TRPM2: variants seen among roughly 807,000 people sequenced by gnomAD.
The protein encoded by TRPM2 is transient receptor potential cation channel subfamily M member 2.
In TRPM2, 161 loss-of-function variants were observed where a neutral mutation model predicts 174.0. The observed-to-expected ratio is 0.93, with a 90% CI of 0.81 to 1.05. The LOEUF (loss-of-function observed/expected upper bound fraction) is 1.05, where lower values mean the gene tolerates loss of function less well. Among genes scored for constraint, TRPM2 ranks in the 50% least tolerant of loss-of-function variants. The pLI is 0.00. For synonymous variants in TRPM2, 954 were observed against 861.3 expected, an observed-to-expected ratio of 1.11 and a Z score of -1.88; for missense variants, 2,057 against 2,038.0, an observed-to-expected ratio of 1.01 and a Z score of -0.18.
rs555500267 is a variant in TRPM2 at position 44,403,303 on chromosome 21, G to A, written c.2538+1406G>A. Among the ~76,000 whole-genome samples, 6 of 152,332 alleles carry A rather than the reference G, an allele frequency of 3.9e-5. No homozygotes were observed. The East Asian group carries it at 1.2e-3, about 29-fold the overall frequency. On this transcript the variant is annotated intron_variant, in intron 16 of 31. Transcript: ENST00000397928. ...GTCCTGGGGCCTGGGGCTAGGGAGG[G>A]TGTGGGGACTCCTGCCAAGTAGGCC... is the stretch of plus-strand genomic sequence containing the variant.
rs9978351 is a variant in TRPM2, at chr21:44,424,868, A to G, written c.3566A>G (p.Gln1189Arg). Reference protein sequence around the residue: ...SLEEQVAQTAQALHWIVRTLR... With the variant: ...SLEEQVAQTARALHWIVRTLR... ...GCCTTCCAGGTGGCCCAGACAGCCC[A>G]AGCCCTGCACTGGATCGTGAGGACG... Residue 1189 changes from glutamine (Q) to arginine (R), a missense_variant, in exon 24 of 32, where the codon CAA (glutamine) becomes CGA (arginine). Gln to Arg is a conservative substitution (Grantham distance 43). Coordinates refer to ENST00000397928, the MANE Select transcript of TRPM2 (RefSeq NM_003307.4). 1,588,407 of 1,604,358 alleles carry G rather than the reference A, an allele frequency of 0.99. 786,812 individuals are homozygous for G. The highest frequency in any genetic ancestry group is 1 in the Non-Finnish European group (1,176,175 of 1,176,604).
intron 27 of TRPM2, 49 bp downstream of exon 27, chr21:44,427,160 C>A: frequency 6.8e-7 from 1 of 1,470,792 alleles, no homozygotes; most frequent in Non-Finnish European, 9.2e-7. Context: ...TGGGGTTTGC[C>A]TGGGGGGCAG....
At chr21:44,405,784 C>A in intron 17 of TRPM2, 121 bp from the exon 18 acceptor site, 1 of 1,234,582 alleles carries the variant, frequency 8.1e-7, no homozygotes, top group Non-Finnish European at 1.1e-6. Flanking sequence ...GCAGGGCCCA[C>A]CAGAGCCCTT....
rs939175308 is a variant in TRPM2 at position 44,438,012 on chromosome 21, G to T, written c.4167+845G>T. 1.3e-5 allele frequency among the ~76,000 whole-genome samples: 2 copies of T among 152,244 alleles called. No individual in the cohort carries two copies. Among genetic ancestry groups the T allele is most frequent in the African/African-American group, 4.8e-5 (2 of 41,462 alleles). ...TGCATTTCTCTGACCCCGAGCTCAC[G>T]GCCTGGTGGCTGCCTCTGCTGCTGT... On this transcript the variant is annotated intron_variant, in intron 29 of 31. Coordinates refer to ENST00000397928, the MANE Select transcript of TRPM2 (RefSeq NM_003307.4). This position sits in a 1 kb window ranked among gnomAD's most constrained non-coding sequence, Gnocchi z 5.9.
intron 16 of TRPM2, among the ~76,000 whole-genome samples, chr21:44,403,998 A>C (rs571773313): frequency 6.6e-6 from 1 of 151,524 alleles, no homozygotes; most frequent in East Asian, 1.9e-4. Context: ...ACACACATAC[A>C]CATACACACA....
At chr21:44,370,781 T>C (rs2048515925) in intron 5 of TRPM2, among the ~76,000 whole-genome samples, 1 of 152,224 alleles carries the variant, frequency 6.6e-6, no homozygotes, top group African/African-American at 2.4e-5. Flanking sequence ...TTGTTTGCTC[T>C]TTTTACGAAT....
In TRPM2 at chr21:44,364,733, G is replaced by T. The variant is rs1054411217; in HGVS notation, c.423+451G>T. On this transcript the variant is annotated intron_variant, in intron 3 of 31. Transcript: ENST00000397928. ...GATAGCAGGGAGGCCCATGTGGCAA[G>T]TCTGGAAGCAAACGCGAGAGTCCTT... Among the ~76,000 whole-genome samples, 2 of 152,342 alleles carry T rather than the reference G, an allele frequency of 1.3e-5. 1 individual carries two copies. The highest frequency in any genetic ancestry group is 4.1e-4 in the South Asian group (2 of 4,832).
intron 11 of TRPM2, among the ~76,000 whole-genome samples, chr21:44,393,325 A>C (rs1287056649): frequency 1.3e-5 from 2 of 152,148 alleles, no homozygotes; most frequent in African/African-American, 4.8e-5. Flanking sequence ...TTCTTCTTTG[A>C]CCTATGAATT....
At chr21:44,406,474 C>T (rs2049880362) in intron 18 of TRPM2, 120 bp from the exon 19 acceptor site, 2 of 1,265,490 alleles carry the variant, frequency 1.6e-6, no homozygotes, top group Admixed American at 2.6e-5. Flanking sequence ...TGGGAGCCTC[C>T]TGCATGCCGT....
At chr21:44,416,601 C>A in intron 20 of TRPM2, 1 of 179,402 alleles carries the variant, frequency 5.6e-6, no homozygotes, top group Admixed American at 6.1e-5. Flanking sequence ...TGTTATTAGC[C>A]AGTGAGGCTT....
intron 20 of TRPM2, chr21:44,416,468 G>A: frequency 6.4e-6 from 1 of 155,132 alleles, no homozygotes; most frequent in Non-Finnish European, 1.4e-5. Context: ...GGAGGCCCCT[G>A]CAGCCCTGCC....
chr21:44,425,496 CT>C (rs1264709686), intron 24 of TRPM2, 173 bp from the exon 25 acceptor site: 2 of 710,074 alleles, frequency 2.8e-6, no homozygotes, highest in African/African-American at 3.6e-5. Context: ...GCTGTCCTCC[CT>C]GGGGGCCCTG....
At chr21:44,357,760 C>T (rs117554708) in intron 2 of TRPM2, among the ~76,000 whole-genome samples, 5 of 152,210 alleles carry the variant, frequency 3.3e-5, no homozygotes, top group African/African-American at 4.8e-5. Flanking sequence ...AGTCAGGGGA[C>T]GGAGAGACGC....
intron 9 of TRPM2, among the ~76,000 whole-genome samples, chr21:44,383,414 C>T (rs1384510809): frequency 6.6e-6 from 1 of 152,198 alleles, no homozygotes; most frequent in African/African-American, 2.4e-5. Context: ...GGCTTCTCAC[C>T]CTCCAGGGTC....
chr21:44,394,608 C>G (rs897716382), intron 11 of TRPM2, among the ~76,000 whole-genome samples: 1 of 151,624 alleles, frequency 6.6e-6, no homozygotes, highest in African/African-American at 2.4e-5. Context: ...CGTGAGCCAC[C>G]GTGCCAGGCC....
In TRPM2 at chr21:44,376,747, C is replaced by T. The variant is rs1209512675; in HGVS notation, c.952+734C>T. Among the ~76,000 whole-genome samples the T allele has an allele frequency of 6.6e-6, 1 of 152,150 alleles. No individual in the cohort carries two copies. The highest frequency in any genetic ancestry group is 1.5e-5 in the Non-Finnish European group (1 of 68,030). ...GAGATGGTGAACGGGAGGTGTCTGACCTGTGGCTGGGTGGGCTGGGGTCCC... is the reference window on the plus strand; with the variant it reads ...GAGATGGTGAACGGGAGGTGTCTGATCTGTGGCTGGGTGGGCTGGGGTCCC... On this transcript the variant is annotated intron_variant, in intron 6 of 31. Coordinates refer to ENST00000397928, the MANE Select transcript of TRPM2 (RefSeq NM_003307.4). The surrounding 1 kb of genome is among the most constrained non-coding windows in gnomAD (Gnocchi z 4.2).
intron 22 of TRPM2, among the ~76,000 whole-genome samples, chr21:44,419,303 GCCCTCCC>G (rs2146350662): frequency 6.6e-6 from 1 of 152,204 alleles, no homozygotes; most frequent in South Asian, 2.1e-4. Flanking sequence ...CAGGCCAAGT[GCCCTCCC>G]CCTTAGAGAC....
intron 11 of TRPM2, among the ~76,000 whole-genome samples, chr21:44,394,374 T>C (rs969532826): frequency 5.7e-4 from 84 of 146,126 alleles, no homozygotes; most frequent in Non-Finnish European, 1.1e-3. Flanking sequence ...GGCTGGAGTG[T>C]AGTGGCGCAA....
intron 3 of TRPM2, among the ~76,000 whole-genome samples, chr21:44,365,391 A>G (rs914147905): frequency 1.3e-5 from 2 of 152,172 alleles, no homozygotes; most frequent in African/African-American, 2.4e-5. Flanking sequence ...AAAGAGGTTG[A>G]GTGGGGCAGG....
Sources: gnomAD v4.1 joint callset for allele counts (sites outside exome capture counted in the v4.1 genomes callset) on GRCh38, gnomAD v4.1.1 for gene constraint, Gnocchi (gnomAD v3.1) non-coding constraint, MANE v1.5 for transcripts, NCBI Gene and HGNC (gene_info 2026-07-23, HGNC 2026-07-21) for gene names.